The following CSPP1 variants were observed in gnomAD, a reference collection of about 807,000 sequenced individuals.
The protein encoded by CSPP1 is centrosome and spindle pole-associated protein 1.
A neutral mutation model predicts 164.4 loss-of-function variants in CSPP1; 126 were observed. The ratio of observed to expected loss-of-function variants is 0.77; its 90% CI spans 0.66 to 0.89. The LOEUF (loss-of-function observed/expected upper bound fraction) is 0.89. CSPP1 is among the 40% of genes least tolerant of loss of function. The pLI, the probability that CSPP1 is intolerant of heterozygous loss-of-function variation, is 0.00. For synonymous variants in CSPP1, 472 were observed against 476.7 expected (o/e 0.99, Z 0.13); for missense variants, 1,395 against 1,449.8 (o/e 0.96, Z 0.61).
chr8:67,153,935 T>A (rs1400728653), intron 18 of CSPP1, 89 bp from the exon 19 acceptor site: 8 of 593,256 alleles, frequency 1.3e-5, no homozygotes, highest in Non-Finnish European at 2.4e-5. Flanking sequence ...TTTTTAAAAA[T>A]GAATTTATTA....
intron 15 of CSPP1, among the ~76,000 whole-genome samples, chr8:67,124,800 G>GGCTCCCAAGTAGCTACT (rs1819741295): frequency 6.6e-6 from 1 of 152,088 alleles, no homozygotes; most frequent in African/African-American, 2.4e-5. Flanking sequence ...TCCCACCTCA[G>GGCTCCCAAGTAGCTACT]GCTCCCAAGT....
At chr8:67,072,451 T>C (rs1807018464) in intron 1 of CSPP1, among the ~76,000 whole-genome samples, 1 of 152,194 alleles carries the variant, frequency 6.6e-6, no homozygotes, top group Non-Finnish European at 1.5e-5. Context: ...AAGCAAGTTT[T>C]GTAAAATATT....
At chr8:67,079,689 T>A (rs964476045) in intron 3 of CSPP1, among the ~76,000 whole-genome samples, 2 of 152,226 alleles carry the variant, frequency 1.3e-5, no homozygotes, top group Non-Finnish European at 2.9e-5. Context: ...TATGATAAAT[T>A]TGCCATCTTA....
intron 4 of CSPP1, among the ~76,000 whole-genome samples, chr8:67,087,916 A>G (rs1474143874): frequency 6.6e-6 from 1 of 152,154 alleles, no homozygotes; most frequent in East Asian, 1.9e-4. Flanking sequence ...TCCTCGCGCT[A>G]ATTTTCACTT....
At chr8:67,092,775 G>T (rs1445991794) in intron 5 of CSPP1, among the ~76,000 whole-genome samples, 2 of 152,066 alleles carry the variant, frequency 1.3e-5, no homozygotes, top group East Asian at 3.9e-4. Context: ...TTTAGATTGT[G>T]TTGTTTTAGC....
chr8:67,179,701 T>C (rs866712338), intron 27 of CSPP1, among the ~76,000 whole-genome samples, 162 bp from the exon 28 acceptor site: 24 of 152,190 alleles, frequency 1.6e-4, no homozygotes, highest in African/African-American at 5.1e-4. Flanking sequence ...GTGTTAAGGC[T>C]TTCCAGTATT....
chr8:67,083,547 AAATATAT>A (rs1212634383), intron 3 of CSPP1: 8 of 129,042 alleles, frequency 6.2e-5, no homozygotes, highest in African/African-American at 1.5e-4. Flanking sequence ...AAAAAAAAAA[AAATATAT>A]ATATATATAT....
chr8:67,173,679 G>GTTAT (rs1444392409), intron 25 of CSPP1: 2 of 152,064 alleles, frequency 1.3e-5, no homozygotes, highest in East Asian at 3.8e-4. Flanking sequence ...GATAAATTGT[G>GTTAT]TTATTTATTT....
chr8:67,120,526 A>G (rs1029724698), intron 15 of CSPP1, among the ~76,000 whole-genome samples: 3 of 152,128 alleles, frequency 2.0e-5, no homozygotes, highest in African/African-American at 7.2e-5. Context: ...ATGTCTTTTA[A>G]AATTTCTTTC....
chr8:67,095,357 A>C lies in CSPP1; in HGVS notation c.548A>C (p.Gln183Pro). 6.2e-7 allele frequency: 1 copy of C among 1,607,212 alleles called. No homozygotes were observed. Among genetic ancestry groups the C allele is most frequent in the Non-Finnish European group, 8.5e-7 (1 of 1,177,988 alleles). Residue 183 changes from glutamine to proline, a missense_variant, in exon 7 of 31, where the codon CAG (glutamine) becomes CCG (proline). Transcript: ENST00000678616. ...QVKPDLTSQI[Q>P]TSCENSEGPR... The stretch of plus-strand genomic sequence containing the variant: ...AAGCCTGATCTAACTTCACAAATAC[A>C]GACATCTTGTGAAAATTCAGAGGGT...
intron 21 of CSPP1, among the ~76,000 whole-genome samples, chr8:67,159,930 C>CTTCCT (rs1827738888): frequency 2.4e-5 from 1 of 41,766 alleles, no homozygotes; most frequent in Non-Finnish European, 4.5e-5. Flanking sequence ...CTTTCCTTTC[C>CTTCCT]TTCCTTCCTT....
At chr8:67,082,074 G>A (rs1050049226) in intron 3 of CSPP1, among the ~76,000 whole-genome samples, 2 of 152,266 alleles carry the variant, frequency 1.3e-5, no homozygotes, top group South Asian at 2.1e-4. Context: ...TTGAGATAGA[G>A]TCTCGCTCTG....
chr8:67,149,947 CTTTTTT>C lies in CSPP1; in HGVS notation c.2128+31_2128+36del, dbSNP rs11296619. On this transcript the variant is annotated intron_variant, in intron 18 of 30. Coordinates refer to ENST00000678616, the MANE Select transcript of CSPP1 (RefSeq NM_001382391.1). ...AAATAAAAGCTCAGGTTTTTAATCA[CTTTTTT>C]TTTTTTTTTTTTTTTTTTACATTTC... The C allele has an allele frequency of 1.0e-3, 1,136 of 1,136,922 alleles. No individual in the cohort carries two copies. The highest frequency in any genetic ancestry group is 4.1e-3 in the South Asian group (185 of 45,576). The allele number at this position is 1,136,922 out of a possible 1,614,324, so 70.4% of individuals were successfully genotyped here.
intron 16 of CSPP1, chr8:67,134,404 A>C (rs1261376852): frequency 6.7e-6 from 1 of 149,556 alleles, no homozygotes; most frequent in African/African-American, 2.6e-5. Flanking sequence ...ATGAGCAGTA[A>C]TATTTTGAAA....
chr8:67,123,609 C>T (rs1364346649), intron 15 of CSPP1, among the ~76,000 whole-genome samples: 14 of 146,254 alleles, frequency 9.6e-5, no homozygotes, highest in African/African-American at 2.5e-4. Flanking sequence ...TTTTCTTCTT[C>T]GTTTTTTTTT....
intron 28 of CSPP1, among the ~76,000 whole-genome samples, chr8:67,182,897 T>A (rs1482202752): frequency 2.0e-5 from 3 of 152,240 alleles, no homozygotes; most frequent in Non-Finnish European, 2.9e-5. Flanking sequence ...ATCAGATACA[T>A]GATTTGCAAA....
chr8:67,078,859 G>C (rs1040391024), intron 3 of CSPP1, among the ~76,000 whole-genome samples: 5 of 152,048 alleles, frequency 3.3e-5, no homozygotes, highest in Non-Finnish European at 7.4e-5. Flanking sequence ...TATAATCCTA[G>C]CTACTTGGGA....
chr8:67,155,938 G>C (rs978591502), intron 19 of CSPP1, among the ~76,000 whole-genome samples: 1 of 152,152 alleles, frequency 6.6e-6, no homozygotes, highest in Non-Finnish European at 1.5e-5. Flanking sequence ...GTGAGAAACT[G>C]GTATCAGAGG....
intron 4 of CSPP1, among the ~76,000 whole-genome samples, chr8:67,087,303 A>G (rs1810612253): frequency 6.6e-6 from 1 of 152,204 alleles, no homozygotes; most frequent in African/African-American, 2.4e-5. Flanking sequence ...ATTGGAAAAC[A>G]AAGAGAAACA....
Sources: gnomAD v4.1 joint callset for allele counts (sites outside exome capture counted in the v4.1 genomes callset) on GRCh38, gnomAD v4.1.1 for gene constraint, MANE v1.5 for transcripts, NCBI Gene and HGNC (gene_info 2026-07-23, HGNC 2026-07-21) for gene names.